Variants in NR4A1 observed in about 807,000 individuals in gnomAD.
NR4A1 encodes nuclear receptor subfamily 4 group A member 1.
NR4A1 carries 24 observed loss-of-function variants against 47.5 expected under a neutral mutation model. That is an observed-to-expected ratio of 0.50 (90% CI 0.37 to 0.71). The LOEUF is 0.71. NR4A1 is among the 30% of genes least tolerant of loss of function. The probability of loss-of-function intolerance (pLI) is 0.00; values close to 1 mark genes in which losing one functional copy is unlikely to be tolerated. For synonymous variants in NR4A1, 353 were observed against 345.7 expected (o/e 1.02, Z -0.24); for missense variants, 669 against 788.6 (o/e 0.85, Z 1.82).
intron 1 of NR4A1, 44 bp from the exon 2 acceptor site, chr12:52,054,283 C>T (rs1396541050): frequency 4.6e-6 from 7 of 1,513,016 alleles, no homozygotes; most frequent in Middle Eastern, 1.7e-4. Flanking sequence ...TAGGCTTGTC[C>T]CACTGACTCT....
rs764277231 is a variant in NR4A1 at position 52,054,569 on chromosome 12, GCCT to G, written c.249_251del (p.Ser84del). 2.5e-6 allele frequency: 4 copies of G among 1,614,066 alleles called. No individual in the cohort carries two copies. In the South Asian group the frequency reaches 4.4e-5, roughly 18 times the overall value. ...AGGAACAGTCCAGCCATGCTCCTCA[GCCT>G]CCTCCTCGGCCTCCTCCACATCCTC... On this transcript the variant is annotated inframe_deletion, in exon 2 of 7. Transcript: ENST00000394825.
At chr12:52,050,175 C>T (rs888443355), upstream of NR4A1, among the ~76,000 whole-genome samples, 3 of 152,314 alleles carry the variant, frequency 2.0e-5, no homozygotes, top group Admixed American at 1.3e-4. Context: ...GGAAGGGTGA[C>T]GGCCAAACCA....
At chr12:52,052,321 G>GAA (rs1939023110) in intron 1 of NR4A1, among the ~76,000 whole-genome samples, 1 of 151,140 alleles carries the variant, frequency 6.6e-6, no homozygotes, top group African/African-American at 2.5e-5. Flanking sequence ...GAGAGAGAGA[G>GAA]AGAGAGAAAG....
chr12:52,026,561 C>G (rs754383766), intron 1 of NR4A1, among the ~76,000 whole-genome samples: 1 of 152,204 alleles, frequency 6.6e-6, no homozygotes, highest in Non-Finnish European at 1.5e-5. Flanking sequence ...CCGTTCTACA[C>G]AAGGAAACTG....
At chr12:52,040,225 G>A (rs918549452) in intron 1 of NR4A1, among the ~76,000 whole-genome samples, 7 of 152,294 alleles carry the variant, frequency 4.6e-5, no homozygotes, top group African/African-American at 1.7e-4. Context: ...ATTGAGGGGG[G>A]CATTTTGATC....
At position 52,054,436 on chromosome 12, in the gene NR4A1, C is replaced by T. The variant is rs750800117; in HGVS notation, c.108C>T (p.Asp36=). The T allele has an allele frequency of 3.1e-6, 5 of 1,613,774 alleles. 1 individual carries two copies. The South Asian group carries it at 3.3e-5, about 11-fold the overall frequency. The part of the protein sequence containing the change: ...LTPEFIKPTM[D]LASPEAAPAA... ...CTGAGTTCATCAAGCCCACCATGGA[C>T]CTGGCCAGCCCCGAGGCAGCCCCCG... Residue 36 remains aspartate, a synonymous_variant, in exon 2 of 7, where the codon GAC becomes GAT. Coordinates refer to ENST00000394825, the MANE Select transcript of NR4A1 (RefSeq NM_173157.3).
chr12:52,043,952 C>T, intron 2 of NR4A1: 5 of 1,284,856 alleles, frequency 3.9e-6, no homozygotes, highest in Non-Finnish European at 5.1e-6. Context: ...GGGAGCTGGG[C>T]TGTTTGGATT....
At chr12:52,034,253 T>G (rs1401759508) in intron 1 of NR4A1, among the ~76,000 whole-genome samples, 1 of 152,228 alleles carries the variant, frequency 6.6e-6, no homozygotes, top group Non-Finnish European at 1.5e-5. Context: ...TTGAGACTAG[T>G]CCTCTAGATT....
chr12:52,041,649 C>A (rs1488601618), intron 1 of NR4A1, among the ~76,000 whole-genome samples: 2 of 152,216 alleles, frequency 1.3e-5, no homozygotes, highest in Middle Eastern at 3.2e-3. Flanking sequence ...CCCCCAGGCT[C>A]CAATGCCTAA....
intron 2 of NR4A1, among the ~76,000 whole-genome samples, chr12:52,044,281 G>GC (rs879272554): frequency 6.6e-6 from 1 of 152,238 alleles, no homozygotes; most frequent in African/African-American, 2.4e-5. Flanking sequence ...GGGCCCCTGA[G>GC]CCCCCACTAG....
chr12:52,049,239 T>A (rs1290418973), upstream of NR4A1, among the ~76,000 whole-genome samples: 2 of 152,196 alleles, frequency 1.3e-5, no homozygotes, highest in African/African-American at 2.4e-5. Flanking sequence ...GCCCTCTGTA[T>A]ATGTGGGTTT....
intron 1 of NR4A1, chr12:52,037,570 G>GA (rs1309151755): frequency 2.2e-5 from 22 of 983,766 alleles, no homozygotes; most frequent in Middle Eastern, 1.0e-3. Context: ...GGGAGTCGGG[G>GA]GGGGGACTGG....
chr12:52,026,980 C>T (rs545725647), intron 1 of NR4A1, among the ~76,000 whole-genome samples: 9 of 152,220 alleles, frequency 5.9e-5, no homozygotes, highest in Admixed American at 2.6e-4. Context: ...CTCCATGGAC[C>T]GCAGATGGCC....
rs1486912928 is a variant in NR4A1, at chr12:52,037,992, T to A, written c.-83-3818T>A. ...CGGGGGTGGTCTGTATTTCCAGACCTCCTCCATGGTGGTCTGGCTGTGTGG... is the reference window on the plus strand; with the variant it reads ...CGGGGGTGGTCTGTATTTCCAGACCACCTCCATGGTGGTCTGGCTGTGTGG... On this transcript the variant is annotated intron_variant, in intron 1 of 7. Transcript: ENST00000360284. 3 of 984,532 alleles carry A rather than the reference T, an allele frequency of 3.0e-6. No individual in the cohort carries two copies. The East Asian group carries it at 3.4e-4, about 112-fold the overall frequency. 61.0% of individuals were successfully genotyped at this position (984,532 alleles called of 1,614,324 possible).
chr12:52,024,031 T>C (rs1374685843), intron 1 of NR4A1, among the ~76,000 whole-genome samples: 2 of 152,234 alleles, frequency 1.3e-5, no homozygotes, highest in African/African-American at 4.8e-5. Context: ...CCACGGGCTA[T>C]CTGAGGGAGA....
At position 52,054,402 on chromosome 12, in the gene NR4A1, C is replaced by G; in HGVS notation, c.74C>G (p.Pro25Arg). ...CCCCGTGACCACCTGGCAAGCGACC[C>G]CCTGACCCCTGAGTTCATCAAGCCC... ...PGPRDHLASD[P>R]LTPEFIKPTM... Residue 25 changes from proline (P) to arginine (R), a missense_variant, in exon 2 of 7, where the codon CCC becomes CGC. Transcript: ENST00000394825. 6.2e-7 allele frequency: 1 copy of G among 1,613,780 alleles called. No individual in the cohort carries two copies. The highest frequency in any genetic ancestry group is 8.5e-7 in the Non-Finnish European group (1 of 1,179,944).
At chr12:52,036,519 G>A (rs755682862) in intron 1 of NR4A1, among the ~76,000 whole-genome samples, 26 of 152,356 alleles carry the variant, frequency 1.7e-4, no homozygotes, top group Middle Eastern at 3.4e-3. Context: ...GGAAGCTGAG[G>A]CTCAGGAGGT....
At position 52,058,861 on chromosome 12, in the gene NR4A1, C is replaced by T. The variant is rs1033968068; in HGVS notation, c.1714C>T (p.Arg572Cys). 6 of 1,613,966 alleles carry T rather than the reference C, an allele frequency of 3.7e-6. No individual in the cohort carries two copies. Among genetic ancestry groups the T allele is most frequent in the African/African-American group, 1.3e-5 (1 of 74,938 alleles). ...GACCCTGTGCACCCAGGGCCTGCAGCGCATCTTCTACCTCAAGCTGGAGGA... is the reference window on the plus strand; with the variant it reads ...GACCCTGTGCACCCAGGGCCTGCAGTGCATCTTCTACCTCAAGCTGGAGGA... ...LRTLCTQGLQ[R>C]IFYLKLEDLV... is the part of the protein sequence containing the mutation. Residue 572 changes from arginine to cysteine, a missense_variant, in exon 7 of 7, where the codon CGC becomes TGC. Coordinates refer to ENST00000394825, the MANE Select transcript of NR4A1 (RefSeq NM_173157.3).
At position 52,058,981 on chromosome 12, in the gene NR4A1, C is replaced by T; in HGVS notation, c.*37C>T. The T allele has an allele frequency of 1.3e-6, 2 of 1,579,440 alleles. No homozygotes were observed. The highest frequency in any genetic ancestry group is 1.7e-6 in the Non-Finnish European group (2 of 1,156,648). ...GAACACGTGTGCACATGCGCACTCT[C>T]ATATGCCACCCCATGTGCCTTTAGT... On this transcript the variant is annotated 3_prime_UTR_variant, in exon 7 of 7. Coordinates refer to ENST00000394825, the MANE Select transcript of NR4A1 (RefSeq NM_173157.3).
Sources: gnomAD v4.1 joint callset for allele counts (sites outside exome capture counted in the v4.1 genomes callset) on GRCh38, gnomAD v4.1.1 for gene constraint, MANE v1.5 for transcripts, NCBI Gene and HGNC (gene_info 2026-07-23, HGNC 2026-07-21) for gene names.